Variants in TRPC4 observed in about 807,000 individuals in gnomAD.
TRPC4 encodes the protein short transient receptor potential channel 4.
A neutral mutation model predicts 99.4 loss-of-function variants in TRPC4; 49 were observed. That is an observed-to-expected ratio of 0.49 (90% confidence interval 0.39 to 0.63). TRPC4 has a LOEUF of 0.63. Among genes scored for constraint, TRPC4 ranks in the 20% least tolerant of loss-of-function variants. TRPC4 has a pLI of 0.00. For missense variants in TRPC4, 898 were observed against 1,152.9 expected (o/e 0.78, Z 3.20); for synonymous variants, 454 against 425.9 (o/e 1.07, Z -0.81).
intron 6 of TRPC4, among the ~76,000 whole-genome samples, chr13:37,660,688 C>T (rs947763117): frequency 2.0e-5 from 3 of 152,040 alleles, no homozygotes; most frequent in African/African-American, 7.2e-5. Context: ...TGATGACATT[C>T]TATGACATGA....
At chr13:37,645,842 T>C (rs1951847744) in intron 8 of TRPC4, among the ~76,000 whole-genome samples, 1 of 152,246 alleles carries the variant, frequency 6.6e-6, no homozygotes, top group Non-Finnish European at 1.5e-5. Flanking sequence ...AGGAACTCAC[T>C]CTTGAAATAC....
At chr13:37,755,309 G>C (rs913836948) in intron 2 of TRPC4, among the ~76,000 whole-genome samples, 3 of 151,088 alleles carry the variant, frequency 2.0e-5, no homozygotes, top group Non-Finnish European at 2.9e-5. Flanking sequence ...CTGTGGCCTA[G>C]GCTGAACTAA....
intron 2 of TRPC4, among the ~76,000 whole-genome samples, chr13:37,769,139 A>T (rs1477362333): frequency 1.3e-5 from 2 of 151,422 alleles, no homozygotes; most frequent in Non-Finnish European, 3.0e-5. Context: ...TAGTGAAAAA[A>T]CTATAATCCA....
intron 1 of TRPC4, among the ~76,000 whole-genome samples, chr13:37,796,035 C>G (rs1246420032): frequency 2.0e-5 from 3 of 152,098 alleles, no homozygotes; most frequent in Non-Finnish European, 4.4e-5. Flanking sequence ...AACCTTCAGG[C>G]TAAATTCGAC....
chr13:37,868,502 T>G (rs912730335), intron 1 of TRPC4, among the ~76,000 whole-genome samples: 4 of 152,172 alleles, frequency 2.6e-5, no homozygotes, highest in African/African-American at 9.7e-5. Context: ...AACCCTCCAG[T>G]AAACCTTTTG....
At chr13:37,745,454 A>ATATATATATGCG (rs1555265691) in intron 3 of TRPC4, among the ~76,000 whole-genome samples, 5 of 3,114 alleles carry the variant, frequency 1.6e-3, no homozygotes, top group African/African-American at 3.1e-3. Flanking sequence ...ATATATATAT[A>ATATATATATGCG]TATATATATA....
At chr13:37,681,878 C>A (rs1953252030) in intron 4 of TRPC4, among the ~76,000 whole-genome samples, 1 of 152,190 alleles carries the variant, frequency 6.6e-6, no homozygotes, top group African/African-American at 2.4e-5. Context: ...AAGGAAAGAT[C>A]ACAGTGCAAA....
intron 1 of TRPC4, among the ~76,000 whole-genome samples, chr13:37,797,039 G>A (rs974081389): frequency 7.1e-6 from 1 of 140,882 alleles, no homozygotes; most frequent in Non-Finnish European, 1.5e-5. Flanking sequence ...AATTAGCTGG[G>A]CATGGTGGCT....
rs1345386043 is a variant in TRPC4 at position 37,632,502 on chromosome 13, C to T, written c.*4401G>A. 2.0e-5 allele frequency among the ~76,000 whole-genome samples: 3 copies of T among 152,276 alleles called. No individual in the cohort carries two copies. The highest frequency in any genetic ancestry group is 1.9e-4 in the East Asian group (1 of 5,170). ...AATAGCCGTATGAGTATAGGAGCTA[C>T]GTTACTGAACAGTGCAGCTCTAGAG... On this transcript the variant is annotated 3_prime_UTR_variant, in exon 11 of 11. Transcript: ENST00000379705.
chr13:37,785,427 A>G (rs1956943672), intron 1 of TRPC4, among the ~76,000 whole-genome samples: 1 of 152,142 alleles, frequency 6.6e-6, no homozygotes, highest in African/African-American at 2.4e-5. Context: ...CAATTTCAGC[A>G]TTATGCATAC....
At chr13:37,690,608 T>A (rs1953654550) in intron 4 of TRPC4, among the ~76,000 whole-genome samples, 1 of 152,210 alleles carries the variant, frequency 6.6e-6, no homozygotes, top group South Asian at 2.1e-4. Flanking sequence ...CCTGACCCTT[T>A]TTTCTAATTT....
rs147014126 is a variant in TRPC4 at position 37,838,023 on chromosome 13, T to G, written c.-28+31572A>C. Among the ~76,000 whole-genome samples, 977 of 152,336 alleles carry G rather than the reference T, an allele frequency of 6.4e-3. 6 individuals are homozygous for G. Among genetic ancestry groups the G allele is most frequent in the Non-Finnish European group, 0.011 (756 of 68,038 alleles). ...CTCTCTCTTTGCCTGATGCCATCCA[T>G]GTAAGACGTGACTTGTTCCTCCTTG... On this transcript the variant is annotated intron_variant, in intron 1 of 10. Transcript: ENST00000379705.
chr13:37,808,726 A>C (rs1957596550), intron 1 of TRPC4, among the ~76,000 whole-genome samples: 1 of 152,066 alleles, frequency 6.6e-6, no homozygotes, highest in Non-Finnish European at 1.5e-5. Flanking sequence ...GAGATCAGCC[A>C]AGGTTACTCT....
At chr13:37,832,576 A>G (rs527761728) in intron 1 of TRPC4, among the ~76,000 whole-genome samples, 1 of 152,240 alleles carries the variant, frequency 6.6e-6, no homozygotes, top group East Asian at 1.9e-4. Context: ...AATTTATCTG[A>G]AAGAAGACCA....
At chr13:37,728,780 T>G (rs1955147597) in intron 3 of TRPC4, among the ~76,000 whole-genome samples, 1 of 152,084 alleles carries the variant, frequency 6.6e-6, no homozygotes, top group Non-Finnish European at 1.5e-5. Context: ...ATTTCAAAAC[T>G]TATTGCTAAG....
At chr13:37,677,092 G>A (rs1953084866) in intron 4 of TRPC4, among the ~76,000 whole-genome samples, 1 of 151,976 alleles carries the variant, frequency 6.6e-6, no homozygotes, top group South Asian at 2.1e-4. Flanking sequence ...AGAATTACAA[G>A]CCTCCCGTCA....
intron 1 of TRPC4, among the ~76,000 whole-genome samples, chr13:37,792,723 TTGTGTGTG>T (rs57918365): frequency 0.01 from 1,500 of 146,494 alleles, 14 homozygotes; most frequent in African/African-American, 0.02. Context: ...GCTTCTAAAT[TTGTGTGTG>T]TGTGTGTGTG....
Position 37,838,078 on chromosome 13 carries a change from G to A in TRPC4, c.-28+31517C>T, listed in dbSNP as rs78278592. ...CCACCATGATTTTGAGGCTTCCCCA[G>A]CCACATGGAACCGTAAGTCCATTAA... On this transcript the variant is annotated intron_variant, in intron 1 of 10. Transcript: ENST00000379705. Among the ~76,000 whole-genome samples, 1,021 of 152,202 alleles carry A rather than the reference G, an allele frequency of 6.7e-3. 14 individuals carry two copies. The highest frequency in any genetic ancestry group is 0.023 in the African/African-American group (967 of 41,510).
chr13:37,638,504 A>C (rs1951605746), intron 10 of TRPC4, among the ~76,000 whole-genome samples: 1 of 152,078 alleles, frequency 6.6e-6, no homozygotes, highest in Non-Finnish European at 1.5e-5. Context: ...CATTCTTCCA[A>C]AATCTCTAAA....
Sources: gnomAD v4.1 joint callset for allele counts (sites outside exome capture counted in the v4.1 genomes callset) on GRCh38, gnomAD v4.1.1 for gene constraint, MANE v1.5 for transcripts, NCBI Gene and HGNC (gene_info 2026-07-23, HGNC 2026-07-21) for gene names.